Variants in GFI1 observed in about 807,000 individuals in gnomAD.
The protein encoded by GFI1 is zinc finger protein Gfi-1.
In GFI1, 15 loss-of-function variants were observed where a neutral mutation model predicts 39.2. That is an observed-to-expected ratio of 0.38 (90% confidence interval 0.26 to 0.59). The LOEUF is 0.59. GFI1 is among the 20% of genes least tolerant of loss of function. The probability of loss-of-function intolerance (pLI) is 0.62; values close to 1 mark genes in which losing one functional copy is unlikely to be tolerated. For missense variants in GFI1, 475 were observed against 574.0 expected (o/e 0.83, Z 1.76); for synonymous variants, 239 against 254.3 (o/e 0.94, Z 0.57).
rs1216644254 is a variant in GFI1 at position 92,474,213 on chromosome 1, A to G, written c.*1816T>C. On this transcript the variant is annotated 3_prime_UTR_variant, in exon 7 of 7. Transcript: ENST00000294702. ...CTTGCATTAGGGGAGGCAGCTAACC[A>G]ATCTCACACTTTTTTTCCTTTCCAG... Among the ~76,000 whole-genome samples the G allele has an allele frequency of 6.6e-6, 1 of 152,232 alleles. No homozygotes were observed. Among genetic ancestry groups the G allele is most frequent in the African/African-American group, 2.4e-5 (1 of 41,462 alleles).
chr1:92,486,462 G>A, intron 1 of GFI1, among the ~76,000 whole-genome samples: 1 of 152,144 alleles, frequency 6.6e-6, no homozygotes, highest in African/African-American at 2.4e-5. Flanking sequence ...TGACTGGCGA[G>A]AGAGGGGTGG....
In GFI1 at chr1:92,481,202, A is replaced by G. The variant is rs1321954761; in HGVS notation, c.299-114T>C. 3 of 957,384 alleles carry G rather than the reference A, an allele frequency of 3.1e-6. No individual in the cohort carries two copies. 59.3% of individuals were successfully genotyped at this position (957,384 alleles called of 1,614,324 possible). On this transcript the variant is annotated intron_variant, in intron 3 of 6. Transcript: ENST00000294702. The surrounding 1 kb of genome is among the most constrained non-coding windows in gnomAD (Gnocchi z 4.3). Reference sequence around the variant, plus strand: ...GGACTGCGGGGCACCCAGCGCTTGTAGAACACTGCGTGCGCCAGGTGCCAG... The same window carrying G: ...GGACTGCGGGGCACCCAGCGCTTGTGGAACACTGCGTGCGCCAGGTGCCAG...
rs1157624180 is a variant in GFI1, at chr1:92,482,195, C to G, written c.298+669G>C. 1.3e-5 allele frequency among the ~76,000 whole-genome samples: 2 copies of G among 151,878 alleles called. No homozygotes were observed. The highest frequency in any genetic ancestry group is 4.8e-5 in the African/African-American group (2 of 41,348). On this transcript the variant is annotated intron_variant, in intron 3 of 6. Transcript: ENST00000294702. This position sits in a 1 kb window ranked among gnomAD's most constrained non-coding sequence, Gnocchi z 4.4. ...CTAGCAAACATATTCTGGATATAAC[C>G]GGCCCTTGACAGAATCCGGCTGGTC...
chr1:92,486,626 T>C (rs865891197), intron 1 of GFI1, 100 bp downstream of exon 1: 1 of 139,454 alleles, frequency 7.2e-6, no homozygotes, highest in African/African-American at 2.7e-5. Context: ...GCCCGGCGAG[T>C]GGCCACGGCG....
At position 92,481,434 on chromosome 1, in the gene GFI1, A is replaced by G. The variant is rs1658249605; in HGVS notation, c.299-346T>C. The stretch of plus-strand genomic sequence containing the variant: ...CCTACAGGGAAGGGCGCATCTATAA[A>G]TGCCCGTAGTTGAGCTGTTAAGAAG... On this transcript the variant is annotated intron_variant, in intron 3 of 6. Coordinates refer to ENST00000294702, the MANE Select transcript of GFI1 (RefSeq NM_005263.5). The surrounding 1 kb of genome is among the most constrained non-coding windows in gnomAD (Gnocchi z 4.3). Among the ~76,000 whole-genome samples, 1 of 152,206 alleles carries G rather than the reference A, an allele frequency of 6.6e-6. No individual in the cohort carries two copies. Among genetic ancestry groups the G allele is most frequent in the South Asian group, 2.1e-4 (1 of 4,830 alleles).
chr1:92,474,571 G>A lies in GFI1; in HGVS notation c.*1458C>T, dbSNP rs1483467631. ...TCTCTTATGAAAGAAGATGAAAGAA[G>A]TATCTCTGAGGTGTAGCAGCAAAGG... On this transcript the variant is annotated 3_prime_UTR_variant, in exon 7 of 7. Transcript: ENST00000294702. Among the ~76,000 whole-genome samples, 1 of 152,192 alleles carries A rather than the reference G, an allele frequency of 6.6e-6. No individual in the cohort carries two copies. Among genetic ancestry groups the A allele is most frequent in the Non-Finnish European group, 1.5e-5 (1 of 68,018 alleles).
In GFI1 at chr1:92,478,531, G is replaced by T. The variant is rs966866159; in HGVS notation, c.1090+57C>A. The T allele has an allele frequency of 1.6e-5, 23 of 1,434,720 alleles. No homozygotes were observed. The African/African-American group carries it at 1.8e-4, about 11-fold the overall frequency. The allele number at this position is 1,434,720 out of a possible 1,614,324, so 88.9% of individuals were successfully genotyped here. On this transcript the variant is annotated intron_variant, in intron 6 of 6. Coordinates refer to ENST00000294702, the MANE Select transcript of GFI1 (RefSeq NM_005263.5). ...CTCACTGGGGCCAGAAATCAGAGAA[G>T]ATGAGTAATGTTGGCCTCAGGGTGT...
chr1:92,474,354 G>A lies in GFI1; in HGVS notation c.*1675C>T, dbSNP rs77226044. On this transcript the variant is annotated 3_prime_UTR_variant, in exon 7 of 7. Coordinates refer to ENST00000294702, the MANE Select transcript of GFI1 (RefSeq NM_005263.5). ...AAAAGATTTACACAAGTCACATGAT[G>A]TGTTGGTGACAGAGCTGTGACTAAA... Among the ~76,000 whole-genome samples the A allele has an allele frequency of 9.2e-3, 1,397 of 152,326 alleles. 20 individuals carry two copies. Among genetic ancestry groups the A allele is most frequent in the African/African-American group, 0.032 (1,338 of 41,568 alleles).
Position 92,480,408 on chromosome 1 carries a change from C to T in GFI1, c.864G>A (p.Met288Ile), listed in dbSNP as rs1433049434. 1.3e-6 allele frequency: 2 copies of T among 1,550,456 alleles called. No individual in the cohort carries two copies. The highest frequency in any genetic ancestry group is 2.4e-5 in the East Asian group (1 of 40,910). ...HSGTRPFACE[M>I]CGKTFGHAVS... ...CCGCGTGCCCGAAGGTCTTGCCGCA[C>T]ATCTCGCAGGCAAAGGGTCTGGTAC... The change falls in exon 5 of 7, where the codon ATG becomes ATA. Residue 288 changes from methionine (M) to isoleucine (I), a missense_variant. Transcript: ENST00000294702. The surrounding 1 kb of genome is among the most constrained non-coding windows in gnomAD (Gnocchi z 5.6).
chr1:92,486,321 G>C (rs1350041004), intron 1 of GFI1, among the ~76,000 whole-genome samples: 1 of 152,214 alleles, frequency 6.6e-6, no homozygotes, highest in Non-Finnish European at 1.5e-5. Context: ...TCTCCCTGTG[G>C]GTCGGCAGGG....
chr1:92,482,333 T>C lies in GFI1; in HGVS notation c.298+531A>G, dbSNP rs1196404575. On this transcript the variant is annotated intron_variant, in intron 3 of 6. Coordinates refer to ENST00000294702, the MANE Select transcript of GFI1 (RefSeq NM_005263.5). This position sits in a 1 kb window ranked among gnomAD's most constrained non-coding sequence, Gnocchi z 4.4. ...AAATGAAACCCAGAGAGCAGGCCCCTGAGGCTAGGTTAACCCGGCAAAACG... is the reference window on the plus strand; with the variant it reads ...AAATGAAACCCAGAGAGCAGGCCCCCGAGGCTAGGTTAACCCGGCAAAACG... 1.3e-5 allele frequency among the ~76,000 whole-genome samples: 2 copies of C among 152,050 alleles called. No individual in the cohort carries two copies. Among genetic ancestry groups the C allele is most frequent in the Non-Finnish European group, 2.9e-5 (2 of 68,008 alleles).
At position 92,481,010 on chromosome 1, in the gene GFI1, C is replaced by A; in HGVS notation, c.377G>T (p.Gly126Val). The change falls in exon 4 of 7, where the codon GGC (glycine) becomes GTC (valine). Residue 126 changes from glycine (G) to valine (V), a missense_variant. Physicochemically the swap from Gly to Val is moderately radical, Grantham distance 109. Coordinates refer to ENST00000294702, the MANE Select transcript of GFI1 (RefSeq NM_005263.5). The surrounding 1 kb of genome is among the most constrained non-coding windows in gnomAD (Gnocchi z 4.3). ...GTGCCGCAGGTCAGAACCCGCCAGG[C>A]CGCTCCATGAGTACGGTTTGAAAGG... ...PLPFKPYSWS[G>V]LAGSDLRHLV... 6.2e-7 allele frequency: 1 copy of A among 1,611,114 alleles called. No individual in the cohort carries two copies. The highest frequency in any genetic ancestry group is 2.2e-5 in the East Asian group (1 of 44,810).
At chr1:92,478,444 AC>A in intron 6 of GFI1, 143 bp downstream of exon 6, 1 of 738,374 alleles carries the variant, frequency 1.4e-6, no homozygotes, top group Non-Finnish European at 2.3e-6. Context: ...CAAAGAACCC[AC>A]CCCTTTGTTT....
chr1:92,476,518 C>T (rs1252668150), intron 6 of GFI1, among the ~76,000 whole-genome samples: 2 of 152,118 alleles, frequency 1.3e-5, no homozygotes, highest in Non-Finnish European at 1.5e-5. Flanking sequence ...GAATCTACCC[C>T]GGGAGGACTC....
intron 6 of GFI1, 107 bp downstream of exon 6, chr1:92,478,481 T>C: frequency 1.1e-6 from 1 of 927,184 alleles, no homozygotes; most frequent in Non-Finnish European, 1.8e-6. Context: ...AGAGAATAAC[T>C]CCATCAGAAA....
In GFI1 at chr1:92,483,534, G is replaced by A; in HGVS notation, c.-47C>T. 1 of 1,115,254 alleles carries A rather than the reference G, an allele frequency of 9.0e-7. No individual in the cohort carries two copies. Among genetic ancestry groups the A allele is most frequent in the South Asian group, 1.3e-5 (1 of 77,504 alleles). The allele number at this position is 1,115,254 out of a possible 1,614,324, so 69.1% of individuals were successfully genotyped here. A position where few individuals can be genotyped will look rare whatever the true frequency, so the allele number is the denominator to read the frequency against. On this transcript the variant is annotated 5_prime_UTR_variant, in exon 2 of 7. Transcript: ENST00000294702. ...CTGCGCCCCAAGAGTCCCTGGAGCC[G>A]CTGTCACCCACGGTCACTCCGAGGG...
intron 6 of GFI1, among the ~76,000 whole-genome samples, chr1:92,476,489 C>T (rs1657986517): frequency 6.6e-6 from 1 of 152,174 alleles, no homozygotes; most frequent in Admixed American, 6.5e-5. Flanking sequence ...AGAGCAAAGG[C>T]CACGTGCCCT....
Position 92,475,933 on chromosome 1 carries a change from A to C in GFI1, c.*96T>G. ...CTGGACCTGGGGTCTGGAAAGTCAGAAGGGAGTGGAGGCAAGCAGGGAGCA... is the reference window on the plus strand; with the variant it reads ...CTGGACCTGGGGTCTGGAAAGTCAGCAGGGAGTGGAGGCAAGCAGGGAGCA... On this transcript the variant is annotated 3_prime_UTR_variant, in exon 7 of 7. Transcript: ENST00000294702. 1 of 1,184,216 alleles carries C rather than the reference A, an allele frequency of 8.4e-7. No homozygotes were observed. The allele number at this position is 1,184,216 out of a possible 1,614,324, so 73.4% of individuals were successfully genotyped here.
chr1:92,480,913 G>C lies in GFI1; in HGVS notation c.474C>G (p.Ala158=), dbSNP rs763248172. ...GCGCGGCCGGGTGGCCAGGCTCCGG[G>C]GCGGGTTCGCAGAAGAGGCCCAGGC... ...GAGLGLFCEP[A]PEPGHPAALY... Residue 158 remains alanine (A), a synonymous_variant, in exon 4 of 7, where the codon GCC becomes GCG. Transcript: ENST00000294702. This position sits in a 1 kb window ranked among gnomAD's most constrained non-coding sequence, Gnocchi z 5.6. 2 of 1,550,846 alleles carry C rather than the reference G, an allele frequency of 1.3e-6. No individual in the cohort carries two copies. Among genetic ancestry groups the C allele is most frequent in the East Asian group, 2.4e-5 (1 of 41,030 alleles).
Sources: allele counts gnomAD v4.1 joint callset (sites outside exome capture counted in the v4.1 genomes callset), GRCh38; gene constraint gnomAD v4.1.1; non-coding constraint Gnocchi (gnomAD v3.1); transcripts MANE v1.5; gene names NCBI Gene and HGNC (gene_info 2026-07-23, HGNC 2026-07-21).